The following SLIT2 variants were observed in gnomAD, a reference collection of about 807,000 sequenced individuals.
The protein encoded by SLIT2 is slit homolog 2 protein.
A neutral mutation model predicts 185.7 loss-of-function variants in SLIT2; 41 were observed. That is an observed-to-expected ratio of 0.22 (90% confidence interval 0.17 to 0.29). The LOEUF (loss-of-function observed/expected upper bound fraction) is 0.29. Ranked by LOEUF, SLIT2 falls within the 10% of genes least tolerant of loss-of-function variation. SLIT2 has a pLI of 1.00. For synonymous variants in SLIT2, 693 were observed against 680.2 expected, an observed-to-expected ratio of 1.02 and a Z score of -0.29; for missense variants, 1,571 against 1,909.0, an observed-to-expected ratio of 0.82 and a Z score of 3.30.
chr4:20,472,493 G>T (rs369281578), intron 5 of SLIT2, among the ~76,000 whole-genome samples: 2,440 of 9,798 alleles, frequency 0.25, 774 homozygotes, highest in East Asian at 0.34. Flanking sequence ...TCTATATATA[G>T]ATATATATCT....
At chr4:20,304,623 G>C (rs1445673056) in intron 4 of SLIT2, among the ~76,000 whole-genome samples, 1 of 152,124 alleles carries the variant, frequency 6.6e-6, no homozygotes, top group Admixed American at 6.5e-5. Context: ...CACCATCTTG[G>C]AACAGCTGCC....
intron 11 of SLIT2, among the ~76,000 whole-genome samples, chr4:20,513,551 G>GT (rs1330432185): frequency 2.6e-5 from 4 of 152,190 alleles, no homozygotes; most frequent in African/African-American, 9.6e-5. Context: ...CTAGGCCCTA[G>GT]TAGAGGGTCT....
chr4:20,481,241 C>G (rs74568148), intron 6 of SLIT2, among the ~76,000 whole-genome samples: 11 of 152,158 alleles, frequency 7.2e-5, no homozygotes, highest in African/African-American at 2.6e-4. Flanking sequence ...AAATCTGCTT[C>G]CTAAGGTTAA....
chr4:20,269,953 A>T (rs766176955), intron 4 of SLIT2, among the ~76,000 whole-genome samples: 1 of 151,916 alleles, frequency 6.6e-6, no homozygotes, highest in Non-Finnish European at 1.5e-5. Flanking sequence ...GACATACCAG[A>T]TCTCTCCAGA....
intron 19 of SLIT2, among the ~76,000 whole-genome samples, chr4:20,541,184 A>G (rs1338755156): frequency 6.6e-6 from 1 of 152,120 alleles, no homozygotes; most frequent in Non-Finnish European, 1.5e-5. Flanking sequence ...CCCAAATTCT[A>G]CCTTACCTTA....
intron 9 of SLIT2, among the ~76,000 whole-genome samples, chr4:20,500,965 A>G (rs1189493981): frequency 1.3e-5 from 2 of 152,176 alleles, no homozygotes; most frequent in Admixed American, 1.3e-4. Flanking sequence ...ACAAGTCAGT[A>G]TTATTTTATC....
chr4:20,379,534 T>C (rs1381438901), intron 4 of SLIT2, among the ~76,000 whole-genome samples: 1 of 152,118 alleles, frequency 6.6e-6, no homozygotes, highest in Non-Finnish European at 1.5e-5. Context: ...TATCTAATCC[T>C]CCAGTTATAA....
At chr4:20,388,778 GA>G (rs67546102) in intron 4 of SLIT2, among the ~76,000 whole-genome samples, 26,796 of 125,508 alleles carry the variant, frequency 0.21, 2,765 homozygotes, top group Admixed American at 0.26. Flanking sequence ...CGTCTCAGGG[GA>G]AAAAAAAAAA....
intron 29 of SLIT2, among the ~76,000 whole-genome samples, chr4:20,582,525 A>G (rs964890075): frequency 2.6e-5 from 4 of 152,152 alleles, no homozygotes; most frequent in Admixed American, 1.3e-4. Context: ...ATGTCTTTCA[A>G]CCCACACACT....
intron 29 of SLIT2, among the ~76,000 whole-genome samples, chr4:20,585,112 C>T (rs1213607867): frequency 6.6e-6 from 1 of 151,918 alleles, no homozygotes; most frequent in Non-Finnish European, 1.5e-5. Flanking sequence ...CAAAAAGATT[C>T]CTCTGTTTAC....
chr4:20,301,473 G>A (rs1717029984), intron 4 of SLIT2, among the ~76,000 whole-genome samples: 1 of 152,004 alleles, frequency 6.6e-6, no homozygotes, highest in Non-Finnish European at 1.5e-5. Context: ...TGCACCAATG[G>A]CCAGGCATTA....
intron 4 of SLIT2, among the ~76,000 whole-genome samples, chr4:20,465,711 G>A (rs188625323): frequency 6.6e-5 from 10 of 152,240 alleles, no homozygotes; most frequent in East Asian, 1.9e-4. Context: ...TAAAAGGAAC[G>A]GCATTCTGAC....
chr4:20,554,331 C>A (rs1724047099), intron 26 of SLIT2: 1 of 462,284 alleles, frequency 2.2e-6, no homozygotes, highest in Admixed American at 2.3e-5. Flanking sequence ...CTGTGGCTTC[C>A]TCATACCAGG....
chr4:20,346,465 T>C (rs926563779), intron 4 of SLIT2, among the ~76,000 whole-genome samples: 2 of 152,202 alleles, frequency 1.3e-5, no homozygotes, highest in Non-Finnish European at 1.5e-5. Context: ...TCTGAAGTTA[T>C]TGAGGTATGA....
intron 6 of SLIT2, among the ~76,000 whole-genome samples, chr4:20,483,023 A>G (rs1172048782): frequency 6.6e-6 from 1 of 152,052 alleles, no homozygotes; most frequent in Non-Finnish European, 1.5e-5. Context: ...GAAGGGTTCT[A>G]GAAAGATGAC....
intron 19 of SLIT2, 66 bp from the exon 20 acceptor site, chr4:20,541,387 G>T: frequency 7.2e-7 from 1 of 1,390,590 alleles, no homozygotes; most frequent in South Asian, 1.2e-5. Flanking sequence ...AGGGTAGCTG[G>T]GGTTTAGAGA....
At chr4:20,482,892 T>A (rs1716846285) in intron 6 of SLIT2, among the ~76,000 whole-genome samples, 1 of 151,862 alleles carries the variant, frequency 6.6e-6, no homozygotes, top group South Asian at 2.1e-4. Flanking sequence ...GATAAATAAC[T>A]TAAGGCAAAA....
In SLIT2 at chr4:20,558,291, TGTC is replaced by T. The variant is rs544173282; in HGVS notation, c.2725+4324_2725+4326del. Among the ~76,000 whole-genome samples the T allele has an allele frequency of 4.6e-5, 7 of 152,114 alleles. No individual in the cohort carries two copies. The South Asian group carries it at 1.5e-3, about 32-fold the overall frequency. On this transcript the variant is annotated intron_variant, in intron 26 of 36. Coordinates refer to ENST00000504154, the MANE Select transcript of SLIT2 (RefSeq NM_004787.4). ...CAATTGAGGCAGCAAAATTCATTGT[TGTC>T]TTATTTTAAGAAATTGCTACAGCCA...
At chr4:20,432,026 TGAGA>T (rs55876105) in intron 4 of SLIT2, among the ~76,000 whole-genome samples, 17 of 149,784 alleles carry the variant, frequency 1.1e-4, no homozygotes, top group Middle Eastern at 6.8e-3. Flanking sequence ...CTTGTGTGTG[TGAGA>T]GAGAGAGAGA....
Sources: gnomAD v4.1 joint callset for allele counts (sites outside exome capture counted in the v4.1 genomes callset) on GRCh38, gnomAD v4.1.1 for gene constraint, MANE v1.5 for transcripts, NCBI Gene and HGNC (gene_info 2026-07-23, HGNC 2026-07-21) for gene names.